The following HDAC1 variants were observed in gnomAD, a reference collection of about 807,000 sequenced individuals.
HDAC1 encodes the protein histone deacetylase 1.
HDAC1 carries 18 observed loss-of-function variants against 65.5 expected under a neutral mutation model. The observed-to-expected ratio is 0.27, with a 90% confidence interval of 0.19 to 0.41. HDAC1 has a LOEUF of 0.41. Ranked by LOEUF, HDAC1 falls within the 10% of genes least tolerant of loss-of-function variation. HDAC1 has a pLI of 1.00. For missense variants in HDAC1, 373 were observed against 625.2 expected (o/e 0.60, Z 4.30); for synonymous variants, 211 against 227.9 (o/e 0.93, Z 0.67).
chr1:32,299,685 C>CA (rs1349049428), intron 1 of HDAC1, among the ~76,000 whole-genome samples: 2 of 152,106 alleles, frequency 1.3e-5, no homozygotes, highest in Admixed American at 1.3e-4. Context: ...GATTTTGCAA[C>CA]ATTGTTCAAG....
chr1:32,320,947 T>C (rs1641133745), intron 3 of HDAC1, among the ~76,000 whole-genome samples: 1 of 145,902 alleles, frequency 6.9e-6, no homozygotes, highest in Non-Finnish European at 1.5e-5. Flanking sequence ...AAACATATTT[T>C]AGACACACAC....
intron 2 of HDAC1, among the ~76,000 whole-genome samples, chr1:32,305,616 T>C (rs1295315566): frequency 1.3e-5 from 2 of 151,606 alleles, no homozygotes; most frequent in Non-Finnish European, 2.9e-5. Context: ...CTTTTTTTTT[T>C]TTTTTTTTCC....
intron 3 of HDAC1, among the ~76,000 whole-genome samples, chr1:32,319,954 T>A (rs572365629): frequency 6.6e-6 from 1 of 150,980 alleles, no homozygotes; most frequent in Non-Finnish European, 1.5e-5. Context: ...TGGTGGCTCA[T>A]GCCTGTAATC....
chr1:32,304,901 A>C (rs1036930525), intron 2 of HDAC1, among the ~76,000 whole-genome samples: 1 of 152,084 alleles, frequency 6.6e-6, no homozygotes, highest in Non-Finnish European at 1.5e-5. Context: ...TTGTAGAAAC[A>C]GGGTCTTGCT....
chr1:32,313,684 ACTGATTCCTGGCATGGCCACTAT>A (rs1641020893), intron 2 of HDAC1, among the ~76,000 whole-genome samples: 1 of 152,220 alleles, frequency 6.6e-6, no homozygotes, highest in Admixed American at 6.5e-5. Flanking sequence ...GAGAAAAATA[ACTGATTCCTGGCATGGCCACTAT>A]CTGTATGGTG....
At position 32,296,659 on chromosome 1, in the gene HDAC1, G is replaced by A. The variant is rs368751718; in HGVS notation, c.49+4441G>A. On this transcript the variant is annotated intron_variant, in intron 1 of 13. Transcript: ENST00000373548. ...CTCCCAAAGTGCTGGGTTTACAGGC[G>A]TGAGCCATCATGCCCAGCTGGTTGA... Among the ~76,000 whole-genome samples, 32 of 152,334 alleles carry A rather than the reference G, an allele frequency of 2.1e-4. 1 individual carries two copies. In the South Asian group the frequency reaches 5.0e-3, roughly 24 times the overall value.
At position 32,327,153 on chromosome 1, in the gene HDAC1, C is replaced by T; in HGVS notation, c.494+76C>T. 6.6e-7 allele frequency: 1 copy of T among 1,512,052 alleles called. No individual in the cohort carries two copies. The highest frequency in any genetic ancestry group is 9.1e-7 in the Non-Finnish European group (1 of 1,100,118). The allele number at this position is 1,512,052 out of a possible 1,614,324, so 93.7% of individuals were successfully genotyped here. ...CATTTCCCTCTTCCCCTGGGCTTGC[C>T]TCCCTAGTTTGCTTTTCCTACCGAT... On this transcript the variant is annotated intron_variant, in intron 5 of 13. Coordinates refer to ENST00000373548, the MANE Select transcript of HDAC1 (RefSeq NM_004964.3). This position sits in a 1 kb window ranked among gnomAD's most constrained non-coding sequence, Gnocchi z 6.0.
In HDAC1 at chr1:32,315,452, A is replaced by T. The variant is rs188686947; in HGVS notation, c.163-1213A>T. ...ACTGCAACCTCCACCTCCCAGGTTCAAGCGATTCTCCTGTCTCAGCCTCCT... is the reference window on the plus strand; with the variant it reads ...ACTGCAACCTCCACCTCCCAGGTTCTAGCGATTCTCCTGTCTCAGCCTCCT... On this transcript the variant is annotated intron_variant, in intron 2 of 13. Coordinates refer to ENST00000373548, the MANE Select transcript of HDAC1 (RefSeq NM_004964.3). Among the ~76,000 whole-genome samples, 592 of 151,812 alleles carry T rather than the reference A, an allele frequency of 3.9e-3. 5 individuals are homozygous for T. The highest frequency in any genetic ancestry group is 0.031 in the Middle Eastern group (9 of 294).
At chr1:32,323,333 C>T (rs1248457218) in intron 3 of HDAC1, among the ~76,000 whole-genome samples, 1 of 152,074 alleles carries the variant, frequency 6.6e-6, no homozygotes, top group Non-Finnish European at 1.5e-5. Context: ...AAGCTTGAGG[C>T]TTGCATACTG....
At chr1:32,297,201 G>T (rs1229656264) in intron 1 of HDAC1, among the ~76,000 whole-genome samples, 1 of 152,100 alleles carries the variant, frequency 6.6e-6, no homozygotes, top group African/African-American at 2.4e-5. Context: ...ATATCATTTT[G>T]CACAGTTTTA....
Position 32,327,497 on chromosome 1 carries a change from C to T in HDAC1, c.495-39C>T. The T allele has an allele frequency of 6.4e-7, 1 of 1,562,858 alleles. No individual in the cohort carries two copies. Among genetic ancestry groups the T allele is most frequent in the Non-Finnish European group, 8.8e-7 (1 of 1,136,110 alleles). On this transcript the variant is annotated intron_variant, in intron 5 of 13. Coordinates refer to ENST00000373548, the MANE Select transcript of HDAC1 (RefSeq NM_004964.3). This position sits in a 1 kb window ranked among gnomAD's most constrained non-coding sequence, Gnocchi z 6.0. ...TAGCGCCCTTGGCACGTCCCATCCC[C>T]AAAGAGCCCCCAGACCCCTGACCCC...
In HDAC1 at chr1:32,331,682, A is replaced by G; in HGVS notation, c.1095A>G (p.Arg365=). ...TNEYLEKIKQ[R]LFENLRMLPH... is the part of the protein sequence containing the mutation. ...TCTCTCCCATTGGCCACAGACAGCG[A>G]CTGTTTGAGAACCTTAGAATGCTGC... Residue 365 remains arginine (R), a synonymous_variant, in exon 11 of 14, where the codon CGA becomes CGG. Transcript: ENST00000373548. The surrounding 1 kb of genome is among the most constrained non-coding windows in gnomAD (Gnocchi z 4.2). 6.2e-7 allele frequency: 1 copy of G among 1,613,634 alleles called. No homozygotes were observed. Among genetic ancestry groups the G allele is most frequent in the Non-Finnish European group, 8.5e-7 (1 of 1,179,644 alleles).
In HDAC1 at chr1:32,297,777, A is replaced by ATTTTT. The variant is rs71571709; in HGVS notation, c.50-4818_50-4814dup. Among the ~76,000 whole-genome samples the ATTTTT allele has an allele frequency of 4.9e-4, 35 of 72,146 alleles. 1 individual carries two copies. The highest frequency in any genetic ancestry group is 1.9e-3 in the African/African-American group (30 of 16,084). 47.3% of individuals were successfully genotyped at this position (72,146 alleles called of 152,430 possible). A position where few individuals can be genotyped will look rare whatever the true frequency, so the allele number is the denominator to read the frequency against. ...AGGCGCATGACACTACGCCTGGCTA[A>ATTTTT]TTTTTTTTTTTTTTTTTTTTTTTTT... On this transcript the variant is annotated intron_variant, in intron 1 of 13. Coordinates refer to ENST00000373548, the MANE Select transcript of HDAC1 (RefSeq NM_004964.3).
chr1:32,298,088 C>CTT lies in HDAC1; in HGVS notation c.50-4518_50-4517dup, dbSNP rs1162166409. ...ACAGGCGTGAGCCAGCGCGCCCGGC[C>CTT]TTTTTTTTTTTTTTTTGAGACCAAG... On this transcript the variant is annotated intron_variant, in intron 1 of 13. Coordinates refer to ENST00000373548, the MANE Select transcript of HDAC1 (RefSeq NM_004964.3). 3.1e-3 allele frequency among the ~76,000 whole-genome samples: 348 copies of CTT among 113,630 alleles called. 4 individuals are homozygous for CTT. Among genetic ancestry groups the CTT allele is most frequent in the African/African-American group, 0.01 (306 of 29,886 alleles). 74.5% of individuals were successfully genotyped at this position (113,630 alleles called of 152,430 possible).
chr1:32,297,064 C>G lies in HDAC1; in HGVS notation c.49+4846C>G, dbSNP rs142136050. Among the ~76,000 whole-genome samples, 1,127 of 151,976 alleles carry G rather than the reference C, an allele frequency of 7.4e-3. 18 individuals are homozygous for G. Among genetic ancestry groups the G allele is most frequent in the African/African-American group, 0.025 (1,056 of 41,446 alleles). On this transcript the variant is annotated intron_variant, in intron 1 of 13. Coordinates refer to ENST00000373548, the MANE Select transcript of HDAC1 (RefSeq NM_004964.3). ...GGGTGGGGTAGGGCAGTTGGTGGAG[C>G]AGGAATCTTGAAGAGAGGAGATTTA...
chr1:32,327,402 T>G lies in HDAC1; in HGVS notation c.495-134T>G. 1.3e-6 allele frequency: 1 copy of G among 744,080 alleles called. No homozygotes were observed. The highest frequency in any genetic ancestry group is 2.3e-6 in the Non-Finnish European group (1 of 432,242). The allele number at this position is 744,080 out of a possible 1,614,324, so 46.1% of individuals were successfully genotyped here. A position where few individuals can be genotyped will look rare whatever the true frequency, so the allele number is the denominator to read the frequency against. On this transcript the variant is annotated intron_variant, in intron 5 of 13. Transcript: ENST00000373548. The surrounding 1 kb of genome is among the most constrained non-coding windows in gnomAD (Gnocchi z 6.0). ...CACCCGGCCGCTCTTCCACCTTCCT[T>G]CAGCCAGTTTCCACGTCTCTGGTGC...
chr1:32,320,580 T>A (rs1204947983), intron 3 of HDAC1, among the ~76,000 whole-genome samples: 1 of 151,972 alleles, frequency 6.6e-6, no homozygotes, highest in African/African-American at 2.4e-5. Context: ...TCTGTAGTTT[T>A]AAAAAATATA....
intron 2 of HDAC1, among the ~76,000 whole-genome samples, chr1:32,311,467 GA>G (rs1229631779): frequency 6.8e-6 from 1 of 148,014 alleles, no homozygotes; most frequent in African/African-American, 2.5e-5. Context: ...ACTCTGTCTC[GA>G]AAAAAAAACA....
chr1:32,327,302 C>A lies in HDAC1; in HGVS notation c.494+225C>A. ...GCTCAGATCCTGCCTCCAGAGTGTC[C>A]CTGTGTGGCTGGAGTTGACCCTGGC... On this transcript the variant is annotated intron_variant, in intron 5 of 13. Coordinates refer to ENST00000373548, the MANE Select transcript of HDAC1 (RefSeq NM_004964.3). This position sits in a 1 kb window ranked among gnomAD's most constrained non-coding sequence, Gnocchi z 6.0. 1.6e-6 allele frequency: 1 copy of A among 617,998 alleles called. No individual in the cohort carries two copies. The highest frequency in any genetic ancestry group is 2.8e-6 in the Non-Finnish European group (1 of 351,488). 38.3% of individuals were successfully genotyped at this position (617,998 alleles called of 1,614,324 possible).
Sources: gnomAD v4.1 joint callset for allele counts (sites outside exome capture counted in the v4.1 genomes callset) on GRCh38, gnomAD v4.1.1 for gene constraint, Gnocchi (gnomAD v3.1) non-coding constraint, MANE v1.5 for transcripts, NCBI Gene and HGNC (gene_info 2026-07-23, HGNC 2026-07-21) for gene names.